Variants in DAZL observed in about 807,000 individuals in gnomAD.
DAZL encodes deleted in azoospermia-like.
DAZL carries 4 observed loss-of-function variants against 45.0 expected under a neutral mutation model. The ratio of observed to expected loss-of-function variants is 0.09; its 90% CI spans 0.04 to 0.20. The LOEUF (loss-of-function observed/expected upper bound fraction) is 0.20. Among genes scored for constraint, DAZL ranks in the 10% least tolerant of loss-of-function variants. DAZL has a pLI of 1.00. For synonymous variants in DAZL, 122 were observed against 112.4 expected (o/e 1.09, Z -0.54); for missense variants, 326 against 351.3 (o/e 0.93, Z 0.58).
chr3:16,604,840 G>A (rs1195396236), intron 1 of DAZL: 3 of 839,570 alleles, frequency 3.6e-6, no homozygotes, highest in Middle Eastern at 3.7e-4. Flanking sequence ...GAGTGGGGGC[G>A]GGGTGGGGCA....
Position 16,587,896 on chromosome 3 carries a change from A to T in DAZL, c.*764T>A, listed in dbSNP as rs1164772462. On this transcript the variant is annotated 3_prime_UTR_variant, in exon 11 of 11. Coordinates refer to ENST00000399444, the MANE Select transcript of DAZL (RefSeq NM_001351.4). Reference sequence around the variant, plus strand: ...AGCCAAGTTTAGCATTTCAAAGAAAAAAGTTTTTACAAAAAAGAAGAATGG... The same window carrying T: ...AGCCAAGTTTAGCATTTCAAAGAAATAAGTTTTTACAAAAAAGAAGAATGG... 6.5e-6 allele frequency: 1 copy of T among 153,184 alleles called. No individual in the cohort carries two copies. The highest frequency in any genetic ancestry group is 2.4e-5 in the African/African-American group (1 of 41,474). The allele number at this position is 153,184 out of a possible 1,614,324, so 9.5% of individuals were successfully genotyped here.
intron 8 of DAZL, among the ~76,000 whole-genome samples, chr3:16,594,248 T>C (rs1210031438): frequency 1.3e-5 from 2 of 152,296 alleles, no homozygotes; most frequent in East Asian, 1.9e-4. Flanking sequence ...ACATTAATAC[T>C]ACCTTTCCTG....
chr3:16,588,935 T>C (rs1007456456), intron 10 of DAZL, among the ~76,000 whole-genome samples: 1 of 150,972 alleles, frequency 6.6e-6, no homozygotes, highest in African/African-American at 2.4e-5. Context: ...AGAAATCAAT[T>C]AAAAAAAAAG....
intron 10 of DAZL, among the ~76,000 whole-genome samples, chr3:16,590,164 A>G (rs1273434364): frequency 7.1e-6 from 1 of 141,378 alleles, no homozygotes; most frequent in Non-Finnish European, 1.6e-5. Context: ...ACTTTGGGCA[A>G]AGTAAGCTGA....
At chr3:16,604,844 T>C in intron 1 of DAZL, 1 of 502,876 alleles carries the variant, frequency 2.0e-6, no homozygotes, top group Non-Finnish European at 3.4e-6. Context: ...GGGGGCGGGG[T>C]GGGGCAGTCG....
At chr3:16,590,204 T>G (rs1237143437) in intron 10 of DAZL, among the ~76,000 whole-genome samples, 1 of 128,634 alleles carries the variant, frequency 7.8e-6, no homozygotes, top group East Asian at 2.1e-4. Context: ...CTTTTCTAAA[T>G]TATACTATCT....
In DAZL at chr3:16,604,528, C is replaced by T. The variant is rs1694744132; in HGVS notation, c.3+675G>A. On this transcript the variant is annotated intron_variant, in intron 1 of 10. Coordinates refer to ENST00000399444, the MANE Select transcript of DAZL (RefSeq NM_001351.4). The stretch of plus-strand genomic sequence containing the variant: ...CAGCAAGTCCCCCGCAGCTGACAGG[C>T]GCGAGGGGACCAGAGGCACTTCCGG... 2.7e-6 allele frequency: 4 copies of T among 1,486,068 alleles called. No individual in the cohort carries two copies. The South Asian group carries it at 3.9e-5, about 15-fold the overall frequency. The allele number at this position is 1,486,068 out of a possible 1,614,324, so 92.1% of individuals were successfully genotyped here.
At chr3:16,594,647 C>G (rs1316336297) in intron 7 of DAZL, 64 bp from the exon 8 acceptor site, 3 of 1,135,098 alleles carry the variant, frequency 2.6e-6, no homozygotes, top group Non-Finnish European at 3.8e-6. Context: ...CAAAAACACA[C>G]GAGATACACA....
intron 10 of DAZL, among the ~76,000 whole-genome samples, chr3:16,590,328 A>C (rs1271911741): frequency 7.7e-6 from 1 of 129,996 alleles, no homozygotes; most frequent in African/African-American, 2.5e-5. Flanking sequence ...TACATTATAC[A>C]GGAGATCCAT....
rs1383969896 is a variant in DAZL, at chr3:16,593,657, T to C, written c.733A>G (p.Lys245Glu). ...ATPPSGNGPQKKSVDRSIQTV... is the reference protein window; with the variant it reads ...ATPPSGNGPQEKSVDRSIQTV... ...TATAAACAAAATTAGATGTTTGCCT[T>C]TTGTGGGCCATTTCCAGAGGGTGGA... The change falls in exon 9 of 11, where the codon AAG becomes GAG. Residue 245 changes from lysine to glutamate, a missense_variant and splice_region_variant. By Grantham distance (56) the Lys-to-Glu change is moderately conservative. Around this residue, in one of 3 missense-constraint regions of DAZL, gnomAD observed 227 missense variants for 216.6 expected, o/e 1.05. Coordinates refer to ENST00000399444, the MANE Select transcript of DAZL (RefSeq NM_001351.4). 2.5e-6 allele frequency: 4 copies of C among 1,597,796 alleles called. No individual in the cohort carries two copies.
At chr3:16,604,632 C>G (rs2125050148) in intron 1 of DAZL, 1 of 1,374,716 alleles carries the variant, frequency 7.3e-7, no homozygotes, top group East Asian at 2.7e-5. Flanking sequence ...CCCCGCCCAC[C>G]CCACCAAGTA....
Position 16,605,332 on chromosome 3 carries a change from C to A in DAZL, c.-127G>T. On this transcript the variant is annotated 5_prime_UTR_variant, in exon 1 of 11. Transcript: ENST00000399444. ...CGCGGCTTCGAGTGGTCAAAGGAGC[C>A]AAAGATGAAGAGAAAAGGAAAACCA... 3.4e-6 allele frequency: 4 copies of A among 1,174,574 alleles called. No individual in the cohort carries two copies. Among genetic ancestry groups the A allele is most frequent in the Non-Finnish European group, 5.1e-6 (4 of 780,932 alleles). The allele number at this position is 1,174,574 out of a possible 1,614,324, so 72.8% of individuals were successfully genotyped here. A position where few individuals can be genotyped will look rare whatever the true frequency, so the allele number is the denominator to read the frequency against.
chr3:16,601,022 A>G (rs1440962768), intron 1 of DAZL, among the ~76,000 whole-genome samples: 2 of 152,218 alleles, frequency 1.3e-5, no homozygotes, highest in Non-Finnish European at 2.9e-5. Flanking sequence ...TACAACAAGG[A>G]ACTATTTGGT....
At chr3:16,594,097 A>G (rs1333469671) in intron 8 of DAZL, among the ~76,000 whole-genome samples, 2 of 152,234 alleles carry the variant, frequency 1.3e-5, no homozygotes. Context: ...TGGGTGTTTT[A>G]GACGTAATAC....
At chr3:16,591,645 G>C (rs1465079885) in intron 10 of DAZL, among the ~76,000 whole-genome samples, 2 of 151,994 alleles carry the variant, frequency 1.3e-5, no homozygotes, top group African/African-American at 4.8e-5. Context: ...TGTTGCCCAG[G>C]GTGGTCTCGA....
intron 10 of DAZL, among the ~76,000 whole-genome samples, chr3:16,590,850 G>A (rs1694507661): frequency 6.6e-6 from 1 of 151,750 alleles, no homozygotes; most frequent in Non-Finnish European, 1.5e-5. Context: ...GGTTGCCTAG[G>A]GCTGCACAGG....
At chr3:16,595,197 A>T in intron 7 of DAZL, 117 bp downstream of exon 7, 1 of 576,598 alleles carries the variant, frequency 1.7e-6, no homozygotes, top group Non-Finnish European at 3.0e-6. Flanking sequence ...TTTTTTTCTT[A>T]AATTTTAGGT....
chr3:16,589,241 T>C (rs1430858633), intron 10 of DAZL, among the ~76,000 whole-genome samples: 1 of 152,148 alleles, frequency 6.6e-6, no homozygotes, highest in Admixed American at 6.5e-5. Context: ...TTTAAATACA[T>C]GCAAAACTTT....
intron 10 of DAZL, among the ~76,000 whole-genome samples, chr3:16,591,183 T>C (rs1694512133): frequency 6.6e-6 from 1 of 152,138 alleles, no homozygotes; most frequent in African/African-American, 2.4e-5. Context: ...CATTTTAGAC[T>C]TGTAAAAACT....
Sources: allele counts gnomAD v4.1 joint callset (sites outside exome capture counted in the v4.1 genomes callset), GRCh38; gene constraint gnomAD v4.1.1; regional missense constraint gnomAD v4.1.1; transcripts MANE v1.5; gene names NCBI Gene and HGNC (gene_info 2026-07-23, HGNC 2026-07-21).